SETDB2: variants seen among roughly 807,000 people sequenced by gnomAD.
SETDB2 encodes SET domain bifurcated histone lysine methyltransferase 2, also known as histone-lysine N-methyltransferase SETDB2.
SETDB2 carries 56 observed loss-of-function variants against 82.5 expected under a neutral mutation model. The observed-to-expected ratio is 0.68, with a 90% CI of 0.55 to 0.85. The LOEUF is 0.85. SETDB2 is among the 40% of genes least tolerant of loss of function. The probability of loss-of-function intolerance (pLI) is 0.00; values close to 1 mark genes in which losing one functional copy is unlikely to be tolerated. For synonymous variants in SETDB2, 272 were observed against 284.9 expected, an observed-to-expected ratio of 0.95 and a Z score of 0.46; for missense variants, 677 against 816.4, an observed-to-expected ratio of 0.83 and a Z score of 2.08.
intron 6 of SETDB2, among the ~76,000 whole-genome samples, 184 bp downstream of exon 6, chr13:49,477,223 CA>C (rs2138944281): frequency 6.6e-6 from 1 of 152,232 alleles, no homozygotes; most frequent in African/African-American, 2.4e-5. Context: ...CCAGCTTGAG[CA>C]AAGGAGTTTG....
intron 10 of SETDB2, among the ~76,000 whole-genome samples, chr13:49,483,900 A>G (rs1958537207): frequency 6.6e-6 from 1 of 152,092 alleles, no homozygotes; most frequent in Non-Finnish European, 1.5e-5. Context: ...GATTATAGGC[A>G]TGAGCCACCG....
At chr13:49,457,183 T>A (rs1226930265) in intron 2 of SETDB2, among the ~76,000 whole-genome samples, 2 of 150,790 alleles carry the variant, frequency 1.3e-5, no homozygotes, top group Admixed American at 6.6e-5. Flanking sequence ...CCTACCAGAA[T>A]AATTTAGTAG....
chr13:49,467,535 G>T (rs2138890044), intron 4 of SETDB2, among the ~76,000 whole-genome samples: 2 of 152,240 alleles, frequency 1.3e-5, no homozygotes, highest in South Asian at 4.2e-4. Context: ...GAGCCTTTAA[G>T]AATTATGTGA....
intron 4 of SETDB2, among the ~76,000 whole-genome samples, chr13:49,465,166 C>G (rs1260430006): frequency 1.3e-5 from 2 of 152,090 alleles, no homozygotes; most frequent in Non-Finnish European, 2.9e-5. Flanking sequence ...TCAAAACAAG[C>G]TGTCCTGGAT....
chr13:49,488,432 TA>T lies in SETDB2; in HGVS notation c.1724del (p.Lys575ArgfsTer30). The T allele has an allele frequency of 6.2e-7, 1 of 1,614,072 alleles. No individual in the cohort carries two copies. Among genetic ancestry groups the T allele is most frequent in the Non-Finnish European group, 8.5e-7 (1 of 1,179,998 alleles). On this transcript the variant is annotated frameshift_variant, in exon 12 of 14. Coordinates refer to ENST00000611815, the MANE Select transcript of SETDB2 (RefSeq NM_001160308.3). LOFTEE classifies it high-confidence loss of function. ...CGACCACATTGGATAATCAGAATAT[TA>T]AAAAGGCAATTGAGGTTCAAATTCA... ...QATTLDNQNIKKAIEVQIQKP... is the reference protein window; with the variant it reads ...QATTLDNQNIXKAIEVQIQKP...
At position 49,451,684 on chromosome 13, in the gene SETDB2, A is replaced by T; in HGVS notation, c.-210A>T. 1 of 394,730 alleles carries T rather than the reference A, an allele frequency of 2.5e-6. No homozygotes were observed. The highest frequency in any genetic ancestry group is 4.6e-6 in the Non-Finnish European group (1 of 217,812). The allele number at this position is 394,730 out of a possible 1,614,324, so 24.5% of individuals were successfully genotyped here. A position where few individuals can be genotyped will look rare whatever the true frequency, so the allele number is the denominator to read the frequency against. On this transcript the variant is annotated 5_prime_UTR_variant, in exon 2 of 14. Coordinates refer to ENST00000611815, the MANE Select transcript of SETDB2 (RefSeq NM_001160308.3). ...GGACTTGTCTTTTGGTTGGACTGTC[A>T]CTCATTTCTGAAAGTTTCTTCAGCC...
At chr13:49,471,652 T>C (rs1958244081) in intron 5 of SETDB2, among the ~76,000 whole-genome samples, 1 of 151,970 alleles carries the variant, frequency 6.6e-6, no homozygotes, top group Non-Finnish European at 1.5e-5. Context: ...AAGATTATTT[T>C]TAAAAACATG....
At position 49,488,582 on chromosome 13, in the gene SETDB2, G is replaced by T; in HGVS notation, c.1869G>T (p.Val623=). The change falls in exon 12 of 14, where the codon GTG becomes GTT. Residue 623 remains valine, a synonymous_variant. Transcript: ENST00000611815. ...DSLTKFNKGN[V]FLLDATKEGN... ...TAACAAAGTTCAATAAAGGGAATGTGTTTTTATTGGATGCCACAAAAGAAG... is the reference window on the plus strand; with the variant it reads ...TAACAAAGTTCAATAAAGGGAATGTTTTTTTATTGGATGCCACAAAAGAAG... The T allele has an allele frequency of 1.2e-6, 2 of 1,607,692 alleles. No individual in the cohort carries two copies. Among genetic ancestry groups the T allele is most frequent in the Non-Finnish European group, 1.7e-6 (2 of 1,177,554 alleles).
chr13:49,485,665 T>C lies in SETDB2; in HGVS notation c.1518T>C (p.Asp506=), dbSNP rs757353063. 6.2e-7 allele frequency: 1 copy of C among 1,614,140 alleles called. No individual in the cohort carries two copies. The highest frequency in any genetic ancestry group is 8.5e-7 in the Non-Finnish European group (1 of 1,179,992). Residue 506 remains aspartate (D), a synonymous_variant, in exon 11 of 14, where the codon GAT becomes GAC. Coordinates refer to ENST00000611815, the MANE Select transcript of SETDB2 (RefSeq NM_001160308.3). The part of the protein sequence containing the change: ...FVSSESVTPE[D]NDGFKPPREH... ...CCTCGGAGTCTGTCACTCCAGAAGA[T>C]AATGATGGATTTAAACCACCCCGAG... is the stretch of plus-strand genomic sequence containing the variant.
intron 5 of SETDB2, among the ~76,000 whole-genome samples, chr13:49,471,540 A>C (rs1958242055): frequency 6.6e-6 from 1 of 151,664 alleles, no homozygotes; most frequent in Admixed American, 6.6e-5. Flanking sequence ...TTTGGTTAGC[A>C]TACTGGGTGA....
intron 1 of SETDB2, among the ~76,000 whole-genome samples, chr13:49,447,097 T>G (rs1957704969): frequency 6.6e-6 from 1 of 152,184 alleles, no homozygotes; most frequent in African/African-American, 2.4e-5. Context: ...TTAATTTTCA[T>G]TCTGTGATCT....
At chr13:49,485,588 G>T in intron 10 of SETDB2, 42 bp from the exon 11 acceptor site, 1 of 1,515,286 alleles carries the variant, frequency 6.6e-7, no homozygotes, top group Non-Finnish European at 9.1e-7. Flanking sequence ...AAATACTTTT[G>T]CCTGACCTGG....
intron 1 of SETDB2, among the ~76,000 whole-genome samples, chr13:49,445,176 C>T (rs1234495987): frequency 6.6e-6 from 1 of 152,130 alleles, no homozygotes; most frequent in Non-Finnish European, 1.5e-5. Context: ...CCTTAGCTTC[C>T]TCATCAGCAA....
chr13:49,464,217 T>C (rs1958055813), intron 4 of SETDB2, among the ~76,000 whole-genome samples: 1 of 152,198 alleles, frequency 6.6e-6, no homozygotes, highest in African/African-American at 2.4e-5. Flanking sequence ...CTTCCTCTGC[T>C]CTCCCTGATT....
At chr13:49,483,310 T>C (rs970317864) in intron 9 of SETDB2, among the ~76,000 whole-genome samples, 154 bp from the exon 10 acceptor site, 5 of 152,110 alleles carry the variant, frequency 3.3e-5, no homozygotes, top group Non-Finnish European at 7.4e-5. Flanking sequence ...TTATATTTCC[T>C]TTCTCTAGGG....
intron 4 of SETDB2, among the ~76,000 whole-genome samples, chr13:49,463,313 C>G (rs1008346352): frequency 2.6e-5 from 4 of 152,044 alleles, no homozygotes; most frequent in Non-Finnish European, 4.4e-5. Flanking sequence ...GCCTGGTCAA[C>G]TTTTAATTTT....
At chr13:49,462,961 T>C (rs772244332) in intron 4 of SETDB2, among the ~76,000 whole-genome samples, 3 of 152,150 alleles carry the variant, frequency 2.0e-5, no homozygotes, top group East Asian at 1.9e-4. Flanking sequence ...TAACAAAAGA[T>C]AGAAGACAGG....
At chr13:49,445,189 G>T (rs997004129) in intron 1 of SETDB2, among the ~76,000 whole-genome samples, 2 of 152,078 alleles carry the variant, frequency 1.3e-5, no homozygotes, top group Non-Finnish European at 2.9e-5. Context: ...ATCAGCAAAC[G>T]AGCTGCTAAT....
In SETDB2 at chr13:49,488,356, A is replaced by G; in HGVS notation, c.1643A>G (p.Asp548Gly). The change falls in exon 12 of 14, where the codon GAT (aspartate) becomes GGT (glycine). Residue 548 changes from aspartate (D) to glycine (G), a missense_variant. Asp to Gly is a moderately conservative substitution (Grantham distance 94). Transcript: ENST00000611815. ...DNLLIESDVI[D>G]ITKYREETPP... ...CTGCTGATTGAATCAGATGTGATAG[A>G]TATAACTAAATATAGAGAAGAAACT... The G allele has an allele frequency of 6.2e-7, 1 of 1,610,926 alleles. No individual in the cohort carries two copies. The highest frequency in any genetic ancestry group is 1.1e-5 in the South Asian group (1 of 90,128).
Sources: allele counts gnomAD v4.1 joint callset (sites outside exome capture counted in the v4.1 genomes callset), GRCh38; gene constraint gnomAD v4.1.1; transcripts MANE v1.5; gene names NCBI Gene and HGNC (gene_info 2026-07-23, HGNC 2026-07-21).